Variants in CNTN5 observed in about 807,000 individuals in gnomAD.
The protein encoded by CNTN5 is contactin 5, also known as contactin-5.
CNTN5 carries 77 observed loss-of-function variants against 129.1 expected under a neutral mutation model. That is an observed-to-expected ratio of 0.60 (90% confidence interval 0.50 to 0.72). The LOEUF is 0.72. CNTN5 is among the 30% of genes least tolerant of loss of function. The pLI, the probability that CNTN5 is intolerant of heterozygous loss-of-function variation, is 0.00. For synonymous variants in CNTN5, 509 were observed against 465.6 expected (o/e 1.09, Z -1.20); for missense variants, 1,478 against 1,328.8 (o/e 1.11, Z -1.75).
At chr11:100,045,737 G>T (rs1050896535) in intron 9 of CNTN5, among the ~76,000 whole-genome samples, 3 of 144,576 alleles carry the variant, frequency 2.1e-5, no homozygotes, top group African/African-American at 5.1e-5. Flanking sequence ...AAAAAAAAGA[G>T]TTCTGCTAGA....
chr11:99,177,746 A>G (rs928048275), intron 1 of CNTN5, among the ~76,000 whole-genome samples: 1 of 152,206 alleles, frequency 6.6e-6, no homozygotes, highest in Non-Finnish European at 1.5e-5. Flanking sequence ...TACAGTGGCC[A>G]AGTTGTCACA....
At chr11:99,574,761 G>GTT (rs552700073) in intron 3 of CNTN5, among the ~76,000 whole-genome samples, 1 of 150,196 alleles carries the variant, frequency 6.7e-6, no homozygotes. Flanking sequence ...GGGGTTGTTT[G>GTT]TTTTTTTTTC....
intron 13 of CNTN5, among the ~76,000 whole-genome samples, chr11:100,153,243 G>C (rs1467405515): frequency 2.6e-5 from 4 of 152,016 alleles, no homozygotes; most frequent in African/African-American, 9.7e-5. Flanking sequence ...AACATTATTA[G>C]TAAACCTGCG....
chr11:99,378,070 A>C (rs192002200), intron 2 of CNTN5, among the ~76,000 whole-genome samples: 18 of 152,270 alleles, frequency 1.2e-4, no homozygotes. Context: ...TTTGGATACA[A>C]ATCTAAGAAC....
intron 2 of CNTN5, among the ~76,000 whole-genome samples, chr11:99,429,932 T>TAA (rs61293263): frequency 2.7e-5 from 4 of 149,082 alleles, no homozygotes; most frequent in Non-Finnish European, 4.5e-5. Context: ...CAGACCATGG[T>TAA]AAAAAAAAAA....
chr11:99,042,696 A>G (rs1053854497), intron 1 of CNTN5, among the ~76,000 whole-genome samples: 5 of 152,010 alleles, frequency 3.3e-5, no homozygotes, highest in African/African-American at 1.2e-4. Flanking sequence ...TTAAACTCTA[A>G]GAATTCAACT....
intron 9 of CNTN5, among the ~76,000 whole-genome samples, chr11:100,020,821 A>G (rs989618360): frequency 1.3e-5 from 2 of 152,158 alleles, no homozygotes; most frequent in Non-Finnish European, 2.9e-5. Flanking sequence ...TCCATTTACA[A>G]TAGCATCAAA....
intron 7 of CNTN5, among the ~76,000 whole-genome samples, chr11:99,944,236 A>C (rs1269682880): frequency 2.0e-5 from 3 of 152,068 alleles, no homozygotes; most frequent in African/African-American, 7.2e-5. Flanking sequence ...AAAGATCTAA[A>C]ATCAACACCC....
At chr11:99,550,309 C>T (rs7112709) in intron 2 of CNTN5, among the ~76,000 whole-genome samples, 3 of 152,156 alleles carry the variant, frequency 2.0e-5, no homozygotes, top group African/African-American at 7.2e-5. Context: ...TGACAGCAAG[C>T]AATAAGGAGA....
intron 1 of CNTN5, among the ~76,000 whole-genome samples, chr11:99,201,326 T>C (rs1264750541): frequency 1.2e-5 from 1 of 81,008 alleles, no homozygotes; most frequent in Non-Finnish European, 2.3e-5. Context: ...GCCTGGCCCC[T>C]TCCTTCCTTC....
chr11:99,354,903 C>A lies in CNTN5; in HGVS notation c.-71+29419C>A, dbSNP rs868067386. Among the ~76,000 whole-genome samples, 93 of 152,204 alleles carry A rather than the reference C, an allele frequency of 6.1e-4. 1 individual carries two copies. Among genetic ancestry groups the A allele is most frequent in the African/African-American group, 2.2e-3 (91 of 41,444 alleles). On this transcript the variant is annotated intron_variant, in intron 2 of 24. Transcript: ENST00000524871. ...AGAGAAAATTCACAATCTACAGTTTCTGGCGCTCTTTCCATCCTTTAGCCC... is the reference window on the plus strand; with the variant it reads ...AGAGAAAATTCACAATCTACAGTTTATGGCGCTCTTTCCATCCTTTAGCCC...
At chr11:99,358,255 A>ATTTTTTTTTTTTTTTTTTTTTTTTTTTTT (rs1186386021) in intron 2 of CNTN5, among the ~76,000 whole-genome samples, 3 of 46,922 alleles carry the variant, frequency 6.4e-5, no homozygotes, top group Non-Finnish European at 8.3e-5. Context: ...CGCCCTGCTG[A>ATTTTTTTTTTTTTTTTTTTTTTTTTTTTT]TTTTTTTTTT....
intron 21 of CNTN5, among the ~76,000 whole-genome samples, chr11:100,328,102 A>T (rs1201598756): frequency 4.6e-5 from 7 of 152,030 alleles, no homozygotes; most frequent in Admixed American, 1.3e-4. Flanking sequence ...TGCAATCCCA[A>T]CACTTTGGGA....
chr11:99,672,653 CTG>C (rs1370081028), intron 3 of CNTN5, among the ~76,000 whole-genome samples: 3 of 150,342 alleles, frequency 2.0e-5, no homozygotes, highest in South Asian at 4.2e-4. Flanking sequence ...TCACCTGCCT[CTG>C]TGTCAACTCT....
At chr11:99,361,275 T>C (rs1265711074) in intron 2 of CNTN5, among the ~76,000 whole-genome samples, 2 of 152,150 alleles carry the variant, frequency 1.3e-5, no homozygotes, top group Non-Finnish European at 2.9e-5. Flanking sequence ...CACTTTAAAA[T>C]TCGTCCAGCC....
At chr11:99,578,456 G>C (rs572793389) in intron 3 of CNTN5, among the ~76,000 whole-genome samples, 61 of 148,436 alleles carry the variant, frequency 4.1e-4, no homozygotes, top group African/African-American at 1.5e-3. Flanking sequence ...CAGTGTAAAA[G>C]TGTTCCTATT....
At chr11:100,033,315 GATT>G (rs1941818828) in intron 9 of CNTN5, among the ~76,000 whole-genome samples, 1 of 152,118 alleles carries the variant, frequency 6.6e-6, no homozygotes, top group Non-Finnish European at 1.5e-5. Context: ...AAATAAGGGA[GATT>G]GTTTAAAAAC....
intron 3 of CNTN5, among the ~76,000 whole-genome samples, chr11:99,712,901 GT>G (rs1955054478): frequency 6.6e-6 from 1 of 152,116 alleles, no homozygotes; most frequent in Non-Finnish European, 1.5e-5. Context: ...ATAGTTTGAA[GT>G]AAGGTAGAGT....
At chr11:99,224,189 A>C (rs1860554187) in intron 1 of CNTN5, among the ~76,000 whole-genome samples, 1 of 150,328 alleles carries the variant, frequency 6.7e-6, no homozygotes, top group African/African-American at 2.5e-5. Context: ...TTTAGCTGAG[A>C]GAGCTTCTGA....
Sources: allele counts gnomAD v4.1 joint callset (sites outside exome capture counted in the v4.1 genomes callset), GRCh38; gene constraint gnomAD v4.1.1; transcripts MANE v1.5; gene names NCBI Gene and HGNC (gene_info 2026-07-23, HGNC 2026-07-21).